Variants in RIPOR2 observed in about 807,000 individuals in gnomAD.
RIPOR2 encodes RHO family interacting cell polarization regulator 2, also known as rho family-interacting cell polarization regulator 2.
RIPOR2 carries 39 observed loss-of-function variants against 114.5 expected under a neutral mutation model. The observed-to-expected ratio is 0.34, with a 90% CI of 0.26 to 0.44. The LOEUF (loss-of-function observed/expected upper bound fraction) is 0.44. Among genes scored for constraint, RIPOR2 ranks in the 20% least tolerant of loss-of-function variants. RIPOR2 has a pLI of 1.00. For missense variants in RIPOR2, 1,007 were observed against 1,255.1 expected (o/e 0.80, Z 2.99); for synonymous variants, 445 against 484.4 (o/e 0.92, Z 1.07).
At chr6:24,822,712 G>A (rs11965640) in intron 19 of RIPOR2, among the ~76,000 whole-genome samples, 47,023 of 151,980 alleles carry the variant, frequency 0.31, 8,311 homozygotes, top group East Asian at 0.68. Flanking sequence ...TAGAGATGGA[G>A]TTTCACTATA....
chr6:24,880,792 A>G (rs1766268510), intron 1 of RIPOR2, among the ~76,000 whole-genome samples: 1 of 152,214 alleles, frequency 6.6e-6, no homozygotes, highest in Non-Finnish European at 1.5e-5. Context: ...GAGCTATGTA[A>G]CAAGTTCATT....
intron 15 of RIPOR2, 74 bp from the exon 16 acceptor site, chr6:24,832,465 T>C (rs1760765053): frequency 7.4e-7 from 1 of 1,351,764 alleles, no homozygotes; most frequent in Middle Eastern, 1.8e-4. Context: ...GCCTCATCCT[T>C]CCTGAATGTG....
chr6:24,923,336 T>C (rs1442052050), intron 1 of RIPOR2, among the ~76,000 whole-genome samples: 1 of 152,234 alleles, frequency 6.6e-6, no homozygotes, highest in South Asian at 2.1e-4. Context: ...GAATATGATA[T>C]ACAAGTATCT....
At position 24,849,835 on chromosome 6, in the gene RIPOR2, C is replaced by G. The variant is rs756496253; in HGVS notation, c.1001G>C (p.Gly334Ala). 8 of 1,613,762 alleles carry G rather than the reference C, an allele frequency of 5.0e-6. No individual in the cohort carries two copies. Among genetic ancestry groups the G allele is most frequent in the Admixed American group, 1.7e-5 (1 of 60,004 alleles). ...QVVAVDINDL[G>A]TIKLNLEITW... The stretch of plus-strand genomic sequence containing the variant: ...GATTTCCAGGTTCAGTTTGATGGTA[C>G]CAAGGTCATTGATGTCGACAGCCAC... The change falls in exon 11 of 22, where the codon GGT becomes GCT. Residue 334 changes from glycine to alanine, a missense_variant. By Grantham distance (60) the Gly-to-Ala change is moderately conservative (BLOSUM62 0). Transcript: ENST00000643898.
Position 24,832,292 on chromosome 6 carries a change from C to T in RIPOR2, c.2308G>A (p.Asp770Asn). 6.4e-7 allele frequency: 1 copy of T among 1,551,802 alleles called. No individual in the cohort carries two copies. Among genetic ancestry groups the T allele is most frequent in the Non-Finnish European group, 8.7e-7 (1 of 1,146,978 alleles). ...QVMEKLAAVS[D>N]ENIGNISSVV... ...GAACTGATATTTCCTATGTTCTCAT[C>T]ACTGACAGCTGCGAGTTTCTCCATC... Residue 770 changes from aspartate to asparagine, a missense_variant, in exon 16 of 22, where the codon GAT (aspartate) becomes AAT (asparagine). Physicochemically the swap from Asp to Asn is conservative, Grantham distance 23. Coordinates refer to ENST00000643898, the MANE Select transcript of RIPOR2 (RefSeq NM_001286445.3).
intron 1 of RIPOR2, among the ~76,000 whole-genome samples, chr6:24,914,197 G>T (rs765999345): frequency 1.3e-5 from 2 of 152,168 alleles, no homozygotes; most frequent in East Asian, 3.9e-4. Context: ...TTAGCCGGGC[G>T]TGGTGGCAGG....
intron 19 of RIPOR2, among the ~76,000 whole-genome samples, chr6:24,822,076 T>G (rs4712856): frequency 0.76 from 114,939 of 152,144 alleles, 45,720 homozygotes; most frequent in East Asian, 0.97. Flanking sequence ...GTCCAGCTTG[T>G]GTAACAAAGT....
At chr6:24,869,201 A>AGGCTTGTG in intron 5 of RIPOR2, 54 bp from the exon 6 acceptor site, 2 of 852,106 alleles carry the variant, frequency 2.3e-6, no homozygotes, top group East Asian at 5.2e-5. Context: ...CAATTGACTT[A>AGGCTTGTG]GGCTTGTGAG....
chr6:24,884,326 G>A (rs896070742), intron 1 of RIPOR2, among the ~76,000 whole-genome samples: 5 of 152,134 alleles, frequency 3.3e-5, no homozygotes, highest in Non-Finnish European at 5.9e-5. Context: ...GGAGAATGGC[G>A]TGAATCCGGG....
intron 1 of RIPOR2, among the ~76,000 whole-genome samples, chr6:25,034,276 T>G (rs1581992356): frequency 7.6e-6 from 1 of 131,800 alleles, no homozygotes; most frequent in East Asian, 2.4e-4. Context: ...TATTTTTCAG[T>G]GCTACTGCCC....
At chr6:24,951,739 T>A (rs551770835) in intron 1 of RIPOR2, among the ~76,000 whole-genome samples, 1 of 152,204 alleles carries the variant, frequency 6.6e-6, no homozygotes, top group East Asian at 1.9e-4. Flanking sequence ...GAAAAAGAAA[T>A]CCAGACCTTG....
chr6:24,827,715 T>TCCTCCTTTC (rs905969679), intron 18 of RIPOR2, among the ~76,000 whole-genome samples: 1 of 152,224 alleles, frequency 6.6e-6, no homozygotes, highest in African/African-American at 2.4e-5. Flanking sequence ...TTCCACCTTT[T>TCCTCCTTTC]CCTCCTTTCC....
intron 1 of RIPOR2, among the ~76,000 whole-genome samples, chr6:24,899,095 C>T (rs181771520): frequency 1.3e-5 from 2 of 152,130 alleles, no homozygotes; most frequent in East Asian, 1.9e-4. Context: ...ATTCATTGCC[C>T]CATAATTTGT....
chr6:24,983,296 G>A (rs1216293835), intron 1 of RIPOR2, among the ~76,000 whole-genome samples: 1 of 151,746 alleles, frequency 6.6e-6, no homozygotes, highest in Admixed American at 6.6e-5. Flanking sequence ...CCTCACTACT[G>A]AGGCTGTATT....
At chr6:24,810,365 T>C (rs62401977) in intron 20 of RIPOR2, among the ~76,000 whole-genome samples, 44,444 of 152,136 alleles carry the variant, frequency 0.29, 7,622 homozygotes, top group East Asian at 0.68. Context: ...TAGAATCCAT[T>C]TTCCCTGGTT....
chr6:24,822,582 G>T (rs183138828), intron 19 of RIPOR2, among the ~76,000 whole-genome samples: 1 of 152,006 alleles, frequency 6.6e-6, no homozygotes, highest in African/African-American at 2.4e-5. Context: ...GCAATGGTGC[G>T]ATCTCAGGTC....
upstream of RIPOR2, chr6:24,936,081 T>G: frequency 1.8e-6 from 1 of 564,316 alleles, no homozygotes; most frequent in Non-Finnish European, 3.1e-6. Context: ...TTGTGAAGAG[T>G]GAATCCCAGG....
chr6:24,971,908 G>C (rs867671085), intron 1 of RIPOR2, among the ~76,000 whole-genome samples: 5 of 152,098 alleles, frequency 3.3e-5, no homozygotes, highest in African/African-American at 7.2e-5. Context: ...AAAATGAGGA[G>C]AGTAATTGTA....
intron 1 of RIPOR2, among the ~76,000 whole-genome samples, chr6:24,893,042 A>G (rs1406181884): frequency 6.6e-6 from 1 of 152,190 alleles, no homozygotes; most frequent in Non-Finnish European, 1.5e-5. Flanking sequence ...AAAAAAACCA[A>G]AACAAAACAA....
Sources: allele counts gnomAD v4.1 joint callset (sites outside exome capture counted in the v4.1 genomes callset), GRCh38; gene constraint gnomAD v4.1.1; transcripts MANE v1.5; gene names NCBI Gene and HGNC (gene_info 2026-07-23, HGNC 2026-07-21).